Variants in ADGRL4 observed in about 807,000 individuals in gnomAD.
ADGRL4 encodes adhesion G protein-coupled receptor L4.
ADGRL4 carries 90 observed loss-of-function variants against 74.8 expected under a neutral mutation model. The observed-to-expected ratio is 1.20, with a 90% CI of 1.02 to 1.43. ADGRL4 has a LOEUF of 1.43. Among genes scored for constraint, ADGRL4 ranks in the 40% most tolerant of loss-of-function variants. The pLI is 0.00. For synonymous variants in ADGRL4, 311 were observed against 279.2 expected (o/e 1.11, Z -1.14); for missense variants, 881 against 814.3 (o/e 1.08, Z -1.00).
rs564703300 is a variant in ADGRL4, at chr1:78,929,214, T to C, written c.878-2123A>G. 1.1e-4 allele frequency among the ~76,000 whole-genome samples: 17 copies of C among 151,344 alleles called. 2 individuals carry two copies. Among genetic ancestry groups the C allele is most frequent in the African/African-American group, 3.7e-4 (15 of 40,800 alleles). ...TTCTAAAATTCAGTCTATAAAAAAA[T>C]ATACATTTAAAAATCCAGGGGCCAG... is the stretch of plus-strand genomic sequence containing the variant. On this transcript the variant is annotated intron_variant, in intron 7 of 14. Coordinates refer to ENST00000370742, the MANE Select transcript of ADGRL4 (RefSeq NM_022159.4).
At chr1:78,998,559 G>A (rs1417676944) in intron 2 of ADGRL4, among the ~76,000 whole-genome samples, 4 of 151,734 alleles carry the variant, frequency 2.6e-5, no homozygotes, top group South Asian at 2.1e-4. Context: ...TAGTAGAGAC[G>A]GGGTTTCACC....
chr1:78,968,472 C>T (rs1460492084), intron 2 of ADGRL4, among the ~76,000 whole-genome samples: 2 of 121,584 alleles, frequency 1.6e-5, no homozygotes. Flanking sequence ...ACCAGGGATG[C>T]ATAATCGCTC....
At chr1:78,979,225 C>T (rs1650352106) in intron 2 of ADGRL4, among the ~76,000 whole-genome samples, 1 of 151,928 alleles carries the variant, frequency 6.6e-6, no homozygotes, top group African/African-American at 2.4e-5. Context: ...GTCATTGTGT[C>T]CTTTCACTAC....
intron 2 of ADGRL4, among the ~76,000 whole-genome samples, chr1:78,980,959 T>C (rs1343628228): frequency 6.6e-6 from 1 of 151,992 alleles, no homozygotes; most frequent in Non-Finnish European, 1.5e-5. Context: ...AACAGGTTAG[T>C]CTCCCTTATG....
At position 78,891,513 on chromosome 1, in the gene ADGRL4, A is replaced by G. The variant is rs775552842; in HGVS notation, c.2010+11T>C. On this transcript the variant is annotated intron_variant, in intron 14 of 14. Transcript: ENST00000370742. ...ATATACTAGGAACCACCAAAATAAG[A>G]AATTGTTTACCTTTCTAGATAAAAC... 1 of 1,608,312 alleles carries G rather than the reference A, an allele frequency of 6.2e-7. No individual in the cohort carries two copies. Among genetic ancestry groups the G allele is most frequent in the Non-Finnish European group, 8.5e-7 (1 of 1,178,038 alleles).
intron 7 of ADGRL4, among the ~76,000 whole-genome samples, chr1:78,930,368 A>G (rs568070680): frequency 1.4e-4 from 21 of 151,140 alleles, no homozygotes; most frequent in Non-Finnish European, 2.4e-4. Flanking sequence ...TTCTAAATGC[A>G]TTGCACTAAG....
chr1:78,933,770 T>A (rs1214411502), intron 7 of ADGRL4, among the ~76,000 whole-genome samples: 1 of 114,424 alleles, frequency 8.7e-6, no homozygotes, highest in Non-Finnish European at 2.0e-5. Context: ...ATCACAAGCA[T>A]TCTTTCACAC....
intron 2 of ADGRL4, among the ~76,000 whole-genome samples, chr1:78,993,794 C>T (rs141364690): frequency 0.12 from 18,117 of 151,944 alleles, 1,201 homozygotes; most frequent in Non-Finnish European, 0.14. Context: ...AGGATGGTCT[C>T]GATTTCCTGA....
At chr1:78,954,371 G>C (rs1193381526) in intron 2 of ADGRL4, among the ~76,000 whole-genome samples, 1 of 151,810 alleles carries the variant, frequency 6.6e-6, no homozygotes, top group Non-Finnish European at 1.5e-5. Flanking sequence ...TTAAAAAACA[G>C]GGAAAAAAGA....
intron 2 of ADGRL4, among the ~76,000 whole-genome samples, chr1:79,004,671 G>T (rs1264355487): frequency 6.6e-6 from 1 of 151,976 alleles, no homozygotes; most frequent in Admixed American, 6.6e-5. Context: ...TGTATATGTG[G>T]TATCATATAC....
chr1:78,954,174 A>C (rs1201856437), intron 2 of ADGRL4, among the ~76,000 whole-genome samples: 1 of 151,914 alleles, frequency 6.6e-6, no homozygotes, highest in Non-Finnish European at 1.5e-5. Context: ...ATAAATAAAT[A>C]ATAAATAAAT....
intron 13 of ADGRL4, 83 bp from the exon 14 acceptor site, chr1:78,891,775 T>C (rs900588312): frequency 3.9e-6 from 5 of 1,286,146 alleles, no homozygotes; most frequent in Non-Finnish European, 3.2e-6. Flanking sequence ...ATGTGGGAGG[T>C]GAGTTTTCAG....
intron 2 of ADGRL4, among the ~76,000 whole-genome samples, chr1:78,962,469 C>T (rs538497441): frequency 5.9e-5 from 9 of 152,196 alleles, no homozygotes; most frequent in Non-Finnish European, 8.8e-5. Context: ...TTTTGGCTCT[C>T]GTGTTCTTTC....
chr1:78,902,126 A>G (rs1234182507), intron 12 of ADGRL4, among the ~76,000 whole-genome samples: 1 of 152,162 alleles, frequency 6.6e-6, no homozygotes, highest in South Asian at 2.1e-4. Context: ...AGAAAACAGC[A>G]ATGTTCTTCT....
At chr1:78,999,497 C>T (rs1650790767) in intron 2 of ADGRL4, among the ~76,000 whole-genome samples, 6 of 152,128 alleles carry the variant, frequency 3.9e-5, no homozygotes, top group Admixed American at 3.9e-4. Context: ...GGCGTGAACC[C>T]AGGAGGCGGA....
chr1:78,904,141 C>T (rs996649263), intron 12 of ADGRL4, among the ~76,000 whole-genome samples: 10 of 151,674 alleles, frequency 6.6e-5, no homozygotes, highest in Admixed American at 5.3e-4. Context: ...TACTCCTTCA[C>T]TAAAAACTTC....
intron 14 of ADGRL4, 140 bp downstream of exon 14, chr1:78,891,384 C>G (rs1648269482): frequency 8.2e-7 from 1 of 1,214,898 alleles, no homozygotes; most frequent in Admixed American, 2.8e-5. Context: ...CTTTTAAAAG[C>G]ATATTTTCCT....
chr1:78,962,308 A>G (rs1363134064), intron 2 of ADGRL4, among the ~76,000 whole-genome samples: 3 of 152,102 alleles, frequency 2.0e-5, no homozygotes, highest in South Asian at 2.1e-4. Flanking sequence ...GGACACTCCT[A>G]CATATTTTTT....
chr1:78,983,934 C>T (rs1313978951), intron 2 of ADGRL4, among the ~76,000 whole-genome samples: 1 of 151,676 alleles, frequency 6.6e-6, no homozygotes, highest in Non-Finnish European at 1.5e-5. Flanking sequence ...CTCAGATAGC[C>T]ATCTTCAGAT....
Sources: gnomAD v4.1 joint callset for allele counts (sites outside exome capture counted in the v4.1 genomes callset) on GRCh38, gnomAD v4.1.1 for gene constraint, MANE v1.5 for transcripts, NCBI Gene and HGNC (gene_info 2026-07-23, HGNC 2026-07-21) for gene names.